Variants in LYRM4 observed in about 807,000 individuals in gnomAD.
The protein encoded by LYRM4 is LYR motif-containing protein 4.
In LYRM4, 9 loss-of-function variants were observed where a neutral mutation model predicts 11.7. The observed-to-expected ratio is 0.77, with a 90% CI of 0.46 to 1.34. The LOEUF (loss-of-function observed/expected upper bound fraction) is 1.34, where lower values mean the gene tolerates loss of function less well. LYRM4 is among the 40% of genes most tolerant of loss of function. The pLI, the probability that LYRM4 is intolerant of heterozygous loss-of-function variation, is 0.00. For synonymous variants in LYRM4, 42 were observed against 40.4 expected (o/e 1.04, Z -0.15); for missense variants, 133 against 112.5 (o/e 1.18, Z -0.82).
the LYRM4 span, chr6:5,085,856 G>A: frequency 2.6e-6 from 4 of 1,530,146 alleles, no homozygotes; most frequent in Non-Finnish European, 3.5e-6. Flanking sequence ...CCGGGCGGCT[G>A]CTGCGCCAAG....
intron 2 of LYRM4, among the ~76,000 whole-genome samples, chr6:5,126,406 G>A (rs1374349286): frequency 6.6e-6 from 1 of 152,198 alleles, no homozygotes; most frequent in Non-Finnish European, 1.5e-5. Flanking sequence ...GAAGAATGCA[G>A]ACAGCAGGCA....
At chr6:5,139,083 C>G (rs142846728) in intron 2 of LYRM4, among the ~76,000 whole-genome samples, 1 of 152,208 alleles carries the variant, frequency 6.6e-6, no homozygotes, top group Non-Finnish European at 1.5e-5. Context: ...AATTGAATGT[C>G]GTCCTTGTTA....
At chr6:5,143,480 C>A (rs1461182588) in intron 2 of LYRM4, among the ~76,000 whole-genome samples, 1 of 152,120 alleles carries the variant, frequency 6.6e-6, no homozygotes, top group Admixed American at 6.5e-5. Flanking sequence ...ATAACAGGAC[C>A]TATTATAAAG....
chr6:5,143,619 C>T (rs992549654), intron 2 of LYRM4, among the ~76,000 whole-genome samples: 7 of 152,200 alleles, frequency 4.6e-5, no homozygotes, highest in African/African-American at 1.7e-4. Context: ...CATCTCTCTC[C>T]ATCTTGTTTT....
chr6:5,140,994 A>G (rs574908959), intron 2 of LYRM4, among the ~76,000 whole-genome samples: 1 of 152,348 alleles, frequency 6.6e-6, no homozygotes, highest in South Asian at 2.1e-4. Flanking sequence ...TCAGACCAAG[A>G]GCCTCTGTGT....
At chr6:5,215,754 C>T (rs71555885) in intron 2 of LYRM4, among the ~76,000 whole-genome samples, 7,468 of 152,216 alleles carry the variant, frequency 0.049, 597 homozygotes, top group African/African-American at 0.16. Context: ...TTCAAAACAG[C>T]ACAGCATAAC....
At chr6:5,083,541 A>C in the LYRM4 span, among the ~76,000 whole-genome samples, 3 of 152,164 alleles carry the variant, frequency 2.0e-5, no homozygotes, top group Admixed American at 6.5e-5. Context: ...TGTTTCCTCT[A>C]AGCTGCCTGG....
chr6:5,233,239 T>C (rs763421113), intron 1 of LYRM4, among the ~76,000 whole-genome samples: 2 of 152,202 alleles, frequency 1.3e-5, no homozygotes, highest in Non-Finnish European at 2.9e-5. Context: ...GCCTTCTGAT[T>C]GCCTACTTGC....
chr6:5,258,014 TCA>T (rs1404022010), intron 1 of LYRM4, among the ~76,000 whole-genome samples: 1 of 152,034 alleles, frequency 6.6e-6, no homozygotes, highest in Non-Finnish European at 1.5e-5. Flanking sequence ...ACAATTGAGC[TCA>T]ATCTTGAAGG....
the LYRM4 span, among the ~76,000 whole-genome samples, chr6:5,044,248 G>A: frequency 1.3e-4 from 20 of 151,960 alleles, no homozygotes; most frequent in East Asian, 1.2e-3. Context: ...CTCCTGCCTC[G>A]GCCTCCCGAG....
At chr6:5,143,126 G>A (rs1757499815) in intron 2 of LYRM4, among the ~76,000 whole-genome samples, 1 of 152,200 alleles carries the variant, frequency 6.6e-6, no homozygotes, top group South Asian at 2.1e-4. Flanking sequence ...ATGCCTCAGG[G>A]GTGATCCCGA....
At chr6:5,051,157 G>A in the LYRM4 span, among the ~76,000 whole-genome samples, 1 of 152,172 alleles carries the variant, frequency 6.6e-6, no homozygotes, top group East Asian at 1.9e-4. Context: ...ACAGAAAAGT[G>A]ACCAGAGCCT....
chr6:5,095,389 T>G, the LYRM4 span, among the ~76,000 whole-genome samples: 1 of 152,116 alleles, frequency 6.6e-6, no homozygotes, highest in Non-Finnish European at 1.5e-5. Context: ...TGCAACCAAG[T>G]GGTAGAAGAA....
chr6:5,148,744 T>C (rs1757924420), intron 2 of LYRM4, among the ~76,000 whole-genome samples: 2 of 152,178 alleles, frequency 1.3e-5, no homozygotes, highest in South Asian at 4.1e-4. Context: ...TTCTTGAAGA[T>C]GAGAGCCTCT....
At chr6:5,070,709 A>G in the LYRM4 span, among the ~76,000 whole-genome samples, 2 of 151,780 alleles carry the variant, frequency 1.3e-5, no homozygotes, top group Non-Finnish European at 2.9e-5. Context: ...GACACCATCT[A>G]TACCAAAGGA....
the LYRM4 span, chr6:5,085,415 G>A: frequency 1.1e-5 from 13 of 1,167,202 alleles, no homozygotes; most frequent in Non-Finnish European, 1.5e-5. Flanking sequence ...CTCCTTCCAC[G>A]GCCCGAGGAG....
chr6:5,122,833 G>A (rs765548328), intron 2 of LYRM4, among the ~76,000 whole-genome samples: 19 of 152,176 alleles, frequency 1.2e-4, no homozygotes, highest in African/African-American at 3.9e-4. Context: ...TCTCCTTCAC[G>A]CTCAGCATCC....
intron 1 of LYRM4, among the ~76,000 whole-genome samples, chr6:5,249,664 C>A (rs1303269948): frequency 6.6e-6 from 1 of 152,282 alleles, no homozygotes; most frequent in African/African-American, 2.4e-5. Context: ...CCGACAACAG[C>A]CAGGAGGACC....
At chr6:5,122,352 A>G (rs781556970) in intron 2 of LYRM4, among the ~76,000 whole-genome samples, 23 of 152,164 alleles carry the variant, frequency 1.5e-4, no homozygotes, top group African/African-American at 2.2e-4. Flanking sequence ...AGAGTTTCAC[A>G]ATTTCCAGAG....
Sources: allele counts gnomAD v4.1 joint callset (sites outside exome capture counted in the v4.1 genomes callset), GRCh38; gene constraint gnomAD v4.1.1; transcripts MANE v1.5; gene names NCBI Gene and HGNC (gene_info 2026-07-23, HGNC 2026-07-21).